Variants in DNM3 observed in about 807,000 individuals in gnomAD.
The protein encoded by DNM3 is dynamin 3.
Under a neutral mutation model 101.6 loss-of-function variants are expected in DNM3, and 47 were observed. The ratio of observed to expected loss-of-function variants is 0.46; its 90% CI spans 0.37 to 0.59. The LOEUF (loss-of-function observed/expected upper bound fraction) is 0.59. Among genes scored for constraint, DNM3 ranks in the 20% least tolerant of loss-of-function variants. DNM3 has a pLI of 0.00. For missense variants in DNM3, 849 were observed against 1,085.7 expected (o/e 0.78, Z 3.06); for synonymous variants, 385 against 387.9 (o/e 0.99, Z 0.09).
chr1:172,302,832 A>G (rs2064536969), intron 15 of DNM3, among the ~76,000 whole-genome samples: 1 of 152,192 alleles, frequency 6.6e-6, no homozygotes, highest in Non-Finnish European at 1.5e-5. Context: ...GAATAGCATC[A>G]ACATCAACAA....
At chr1:172,057,309 G>A (rs2050725798) in intron 10 of DNM3, among the ~76,000 whole-genome samples, 1 of 152,126 alleles carries the variant, frequency 6.6e-6, no homozygotes, top group African/African-American at 2.4e-5. Context: ...ATCTAGCAAG[G>A]CAGGCCAACG....
intron 4 of DNM3, among the ~76,000 whole-genome samples, chr1:171,993,115 G>A (rs932355097): frequency 2.0e-5 from 3 of 151,868 alleles, no homozygotes; most frequent in Admixed American, 6.6e-5. Flanking sequence ...AATCAGATAT[G>A]AGAAAAAAGA....
At chr1:171,879,257 T>C (rs1189593107) in intron 1 of DNM3, among the ~76,000 whole-genome samples, 1 of 152,220 alleles carries the variant, frequency 6.6e-6, no homozygotes, top group Non-Finnish European at 1.5e-5. Flanking sequence ...CTTTCAAATA[T>C]CAAATCATCA....
chr1:171,900,728 T>C (rs1415403482), intron 1 of DNM3, among the ~76,000 whole-genome samples: 1 of 151,888 alleles, frequency 6.6e-6, no homozygotes, highest in Non-Finnish European at 1.5e-5. Context: ...TGGAGAGAGA[T>C]GATGGTTTAC....
chr1:172,201,896 A>G (rs1174405402), intron 14 of DNM3, among the ~76,000 whole-genome samples: 2 of 152,256 alleles, frequency 1.3e-5, no homozygotes, highest in Middle Eastern at 3.4e-3. Context: ...CTGCTGTGGC[A>G]TGCTTTGGTT....
Position 172,132,067 on chromosome 1 carries a change from G to A in DNM3, c.1659+779G>A, listed in dbSNP as rs377183572. On this transcript the variant is annotated intron_variant, in intron 14 of 20. Transcript: ENST00000627582. Reference sequence around the variant, plus strand: ...CCCTGGTCTGACCTGATAATCTTTTGGTACTTATAATGCGGCATGCAAACA... The same window carrying A: ...CCCTGGTCTGACCTGATAATCTTTTAGTACTTATAATGCGGCATGCAAACA... Among the ~76,000 whole-genome samples the A allele has an allele frequency of 3.3e-5, 5 of 152,056 alleles. No individual in the cohort carries two copies. In the East Asian group the frequency reaches 7.7e-4, roughly 23 times the overall value.
intron 12 of DNM3, among the ~76,000 whole-genome samples, chr1:172,082,704 T>C (rs932934635): frequency 2.0e-5 from 3 of 152,202 alleles, no homozygotes; most frequent in Non-Finnish European, 4.4e-5. Flanking sequence ...AATAAAAAAA[T>C]GACAGAATGT....
chr1:172,093,176 A>T (rs778013444), intron 13 of DNM3, among the ~76,000 whole-genome samples: 6 of 152,148 alleles, frequency 3.9e-5, no homozygotes, highest in Non-Finnish European at 8.8e-5. Flanking sequence ...GTTTAATTTA[A>T]CATTGAGTTT....
intron 2 of DNM3, among the ~76,000 whole-genome samples, chr1:171,971,555 G>A (rs1421515591): frequency 1.3e-5 from 2 of 152,044 alleles, no homozygotes; most frequent in Non-Finnish European, 2.9e-5. Context: ...ATTCTTTAAT[G>A]AGTAGCAGAT....
At chr1:172,133,745 C>G (rs1464506068) in intron 14 of DNM3, among the ~76,000 whole-genome samples, 3 of 152,022 alleles carry the variant, frequency 2.0e-5, no homozygotes, top group Non-Finnish European at 4.4e-5. Context: ...AGATGATGAG[C>G]TGTGCAGAAG....
At position 172,409,161 on chromosome 1, in the gene DNM3, C is replaced by T. The variant is rs115907937; in HGVS notation, c.*1320C>T. The T allele has an allele frequency of 3.7e-3, 3,661 of 985,354 alleles. 8 individuals are homozygous for T. The highest frequency in any genetic ancestry group is 5.2e-3 in the Middle Eastern group (10 of 1,914). The allele number at this position is 985,354 out of a possible 1,614,324, so 61.0% of individuals were successfully genotyped here. ...CATGTAGGAAACAGCCAGAAGCCAACTGGAATTTTGTGTGCTAACTGTTCC... is the reference window on the plus strand; with the variant it reads ...CATGTAGGAAACAGCCAGAAGCCAATTGGAATTTTGTGTGCTAACTGTTCC... On this transcript the variant is annotated 3_prime_UTR_variant, in exon 21 of 21. Transcript: ENST00000627582.
intron 20 of DNM3, 189 bp downstream of exon 20, chr1:172,388,998 T>C (rs1476426673): frequency 8.2e-6 from 5 of 608,982 alleles, no homozygotes; most frequent in South Asian, 4.2e-5. Context: ...CTTGTGATCA[T>C]TGAAATTTCT....
intron 15 of DNM3, among the ~76,000 whole-genome samples, chr1:172,307,211 A>C (rs2064864145): frequency 6.6e-6 from 1 of 152,256 alleles, no homozygotes; most frequent in African/African-American, 2.4e-5. Flanking sequence ...CCCATCAAAA[A>C]GTGGGCAAAG....
At chr1:172,344,436 C>T (rs78983879) in intron 17 of DNM3, among the ~76,000 whole-genome samples, 4,800 of 152,276 alleles carry the variant, frequency 0.032, 96 homozygotes, top group Middle Eastern at 0.096. Flanking sequence ...AATATTGACA[C>T]CTTCACAAAT....
At chr1:172,135,917 A>G (rs980601717) in intron 14 of DNM3, among the ~76,000 whole-genome samples, 2 of 152,140 alleles carry the variant, frequency 1.3e-5, no homozygotes, top group Non-Finnish European at 2.9e-5. Context: ...GATAATTCAA[A>G]TCTCTGAAGA....
chr1:172,296,755 A>G (rs1275335380), intron 15 of DNM3, among the ~76,000 whole-genome samples: 4 of 152,220 alleles, frequency 2.6e-5, no homozygotes, highest in African/African-American at 9.6e-5. Flanking sequence ...CCTAATGTGA[A>G]TGGAGTCTTT....
At chr1:172,289,700 GTC>G (rs1160972342) in intron 15 of DNM3, 1 of 984,444 alleles carries the variant, frequency 1.0e-6, no homozygotes, top group Non-Finnish European at 1.2e-6. Context: ...TTGTGATTTT[GTC>G]TCTGAATAGA....
intron 14 of DNM3, among the ~76,000 whole-genome samples, chr1:172,205,646 A>T (rs1054604051): frequency 6.6e-6 from 1 of 152,124 alleles, no homozygotes; most frequent in African/African-American, 2.4e-5. Context: ...GTCTGAATTA[A>T]CAGAAGACAG....
intron 15 of DNM3, among the ~76,000 whole-genome samples, chr1:172,278,110 T>A (rs2063354622): frequency 6.6e-6 from 1 of 152,132 alleles, no homozygotes; most frequent in Admixed American, 6.6e-5. Context: ...ATAATTCTAC[T>A]TTTTTTGTAT....
Sources: gnomAD v4.1 joint callset for allele counts (sites outside exome capture counted in the v4.1 genomes callset) on GRCh38, gnomAD v4.1.1 for gene constraint, MANE v1.5 for transcripts, NCBI Gene and HGNC (gene_info 2026-07-23, HGNC 2026-07-21) for gene names.